The following EIF4EBP2 variants were observed in gnomAD, a reference collection of about 807,000 sequenced individuals.
EIF4EBP2 encodes the protein eukaryotic translation initiation factor 4E binding protein 2, also known as eukaryotic translation initiation factor 4E-binding protein 2.
Under a neutral mutation model 10.3 loss-of-function variants are expected in EIF4EBP2, and 5 were observed. The ratio of observed to expected loss-of-function variants is 0.48; its 90% CI spans 0.25 to 1.02. The LOEUF (loss-of-function observed/expected upper bound fraction) is 1.02, where lower values mean the gene tolerates loss of function less well. EIF4EBP2 is among the 50% of genes least tolerant of loss of function. The pLI, the probability that EIF4EBP2 is intolerant of heterozygous loss-of-function variation, is 0.15. For synonymous variants in EIF4EBP2, 67 were observed against 61.1 expected (o/e 1.10, Z -0.45); for missense variants, 188 against 162.2 (o/e 1.16, Z -0.86).
rs985425556 is a variant in EIF4EBP2, at chr10:70,404,705, T to G, written c.145+159T>G. ...GCCCGAGCGTTCGGGACCCTTTACT[T>G]CGTGTTCGCTCTTGCCCGCAGCTCG... On this transcript the variant is annotated intron_variant, in intron 1 of 2. Transcript: ENST00000373218. Among the ~76,000 whole-genome samples the G allele has an allele frequency of 9.9e-4, 151 of 152,274 alleles. 1 individual carries two copies. Among genetic ancestry groups the G allele is most frequent in the African/African-American group, 3.5e-3 (144 of 41,550 alleles).
intron 1 of EIF4EBP2, among the ~76,000 whole-genome samples, chr10:70,409,869 G>A (rs7918386): frequency 0.23 from 34,783 of 152,060 alleles, 4,287 homozygotes; most frequent in Non-Finnish European, 0.27. Context: ...TAACTGTGAT[G>A]GTCTGAAATT....
At chr10:70,407,043 G>A (rs934601221) in intron 1 of EIF4EBP2, among the ~76,000 whole-genome samples, 1 of 151,880 alleles carries the variant, frequency 6.6e-6, no homozygotes, top group African/African-American at 2.4e-5. Flanking sequence ...GGCTACAGGC[G>A]TCCACCACCA....
At chr10:70,411,292 C>T (rs1157654451) in intron 1 of EIF4EBP2, among the ~76,000 whole-genome samples, 2 of 152,190 alleles carry the variant, frequency 1.3e-5, no homozygotes, top group African/African-American at 2.4e-5. Flanking sequence ...AATTTGACTA[C>T]TCTAGGAATC....
At chr10:70,413,181 T>C (rs973434640) in intron 1 of EIF4EBP2, among the ~76,000 whole-genome samples, 7 of 152,232 alleles carry the variant, frequency 4.6e-5, no homozygotes, top group Non-Finnish European at 1.0e-4. Flanking sequence ...AATTGTATTA[T>C]CATTTTTGGC....
chr10:70,416,405 C>G (rs901689669), intron 1 of EIF4EBP2, among the ~76,000 whole-genome samples: 1 of 151,874 alleles, frequency 6.6e-6, no homozygotes, highest in African/African-American at 2.4e-5. Context: ...ATGGTGAAAC[C>G]CTGTCTCTAC....
At position 70,422,788 on chromosome 10, in the gene EIF4EBP2, A is replaced by G. The variant is rs1381583450; in HGVS notation, c.*1041A>G. On this transcript the variant is annotated 3_prime_UTR_variant, in exon 3 of 3. Transcript: ENST00000373218. The stretch of plus-strand genomic sequence containing the variant: ...TGAGCATTGTGGTAGTTGTTCTTAG[A>G]TTGCAGTTTCTTATGTTTTGAGTTT... The G allele has an allele frequency of 2.0e-5, 3 of 152,186 alleles. No individual in the cohort carries two copies. The highest frequency in any genetic ancestry group is 4.4e-5 in the Non-Finnish European group (3 of 68,034). 9.4% of individuals were successfully genotyped at this position (152,186 alleles called of 1,614,324 possible).
rs748304317 is a variant in EIF4EBP2, at chr10:70,404,371, C to T, written c.-31C>T. ...GGCCCCGCCGCCGCCGCCTGCCCGC[C>T]GGACAAAGCCGAGAGCCCGCGCCCA... On this transcript the variant is annotated 5_prime_UTR_variant, in exon 1 of 3. Transcript: ENST00000373218. 2 of 1,522,160 alleles carry T rather than the reference C, an allele frequency of 1.3e-6. No individual in the cohort carries two copies. Among genetic ancestry groups the T allele is most frequent in the Admixed American group, 2.1e-5 (1 of 47,722 alleles). 94.3% of individuals were successfully genotyped at this position (1,522,160 alleles called of 1,614,324 possible). A position where few individuals can be genotyped will look rare whatever the true frequency, so the allele number is the denominator to read the frequency against.
intron 2 of EIF4EBP2, among the ~76,000 whole-genome samples, 163 bp from the exon 3 acceptor site, chr10:70,421,553 C>T (rs1845157529): frequency 1.3e-5 from 2 of 152,166 alleles, no homozygotes; most frequent in South Asian, 4.1e-4. Context: ...TCTTATTTTT[C>T]AGATTAAGAC....
chr10:70,404,345 CG>C lies in EIF4EBP2; in HGVS notation c.-55del. On this transcript the variant is annotated 5_prime_UTR_variant, in exon 1 of 3. Transcript: ENST00000373218. ...TCCGCCTGAGGAGCCGAAGCAGCCCCGGCCCCGCCGCCGCCGCCTGCCCGCC... is the reference window on the plus strand; with the variant it reads ...TCCGCCTGAGGAGCCGAAGCAGCCCCGCCCCGCCGCCGCCGCCTGCCCGCC... 1 of 1,483,204 alleles carries C rather than the reference CG, an allele frequency of 6.7e-7. No individual in the cohort carries two copies. Among genetic ancestry groups the C allele is most frequent in the Non-Finnish European group, 8.9e-7 (1 of 1,120,118 alleles). The allele number at this position is 1,483,204 out of a possible 1,614,324, so 91.9% of individuals were successfully genotyped here.
chr10:70,409,384 G>C (rs549977426), intron 1 of EIF4EBP2, among the ~76,000 whole-genome samples: 1 of 152,276 alleles, frequency 6.6e-6, no homozygotes, highest in Non-Finnish European at 1.5e-5. Flanking sequence ...TGCCCTCAAA[G>C]GAAGGTAAAG....
chr10:70,408,160 A>AC (rs538370770), intron 1 of EIF4EBP2, among the ~76,000 whole-genome samples: 844 of 17,624 alleles, frequency 0.048, 293 homozygotes, highest in East Asian at 0.24. Context: ...CGGGGGGCTG[A>AC]CCCCCCCCAC....
At chr10:70,409,052 C>G (rs1845014162) in intron 1 of EIF4EBP2, among the ~76,000 whole-genome samples, 1 of 152,160 alleles carries the variant, frequency 6.6e-6, no homozygotes, top group Admixed American at 6.5e-5. Flanking sequence ...GGGACATTCA[C>G]AGCATAGCAA....
intron 2 of EIF4EBP2, among the ~76,000 whole-genome samples, chr10:70,420,460 C>T (rs1200947726): frequency 3.3e-5 from 5 of 152,210 alleles, no homozygotes; most frequent in Non-Finnish European, 5.9e-5. Flanking sequence ...CTCAGCCTCC[C>T]AAAGTGCTAG....
intron 1 of EIF4EBP2, among the ~76,000 whole-genome samples, chr10:70,411,088 T>G (rs755867942): frequency 1.3e-5 from 2 of 152,204 alleles, no homozygotes; most frequent in Non-Finnish European, 2.9e-5. Context: ...AAATTTCCAT[T>G]TTAGTCATTT....
At chr10:70,418,908 T>C (rs1024723444) in intron 1 of EIF4EBP2, among the ~76,000 whole-genome samples, 19 of 152,182 alleles carry the variant, frequency 1.2e-4, no homozygotes, top group Admixed American at 7.2e-4. Context: ...CTCGAACTCC[T>C]GGACTCAAGC....
chr10:70,425,374 C>T lies in EIF4EBP2; in HGVS notation c.*3627C>T, dbSNP rs1845196307. On this transcript the variant is annotated 3_prime_UTR_variant, in exon 3 of 3. Transcript: ENST00000373218. ...TCAAGGAGAGAGGAATTACACATAC[C>T]TCTACCCCAATGGAGCAGTAGCAAA... The T allele has an allele frequency of 6.6e-6, 1 of 152,240 alleles. No homozygotes were observed. The highest frequency in any genetic ancestry group is 2.4e-5 in the African/African-American group (1 of 41,468). 9.4% of individuals were successfully genotyped at this position (152,240 alleles called of 1,614,324 possible).
chr10:70,419,883 G>A lies in EIF4EBP2; in HGVS notation c.146-31G>A, dbSNP rs1845136142. On this transcript the variant is annotated intron_variant, in intron 1 of 2. Coordinates refer to ENST00000373218, the MANE Select transcript of EIF4EBP2 (RefSeq NM_004096.5). Reference sequence around the variant, plus strand: ...TTATATGTTGATAACCCCTTAAATTGTTTCAAACTCTTTTTAACCCTGTTT... The same window carrying A: ...TTATATGTTGATAACCCCTTAAATTATTTCAAACTCTTTTTAACCCTGTTT... The A allele has an allele frequency of 2.7e-6, 4 of 1,508,752 alleles. No individual in the cohort carries two copies. The East Asian group carries it at 9.6e-5, about 36-fold the overall frequency. The allele number at this position is 1,508,752 out of a possible 1,614,324, so 93.5% of individuals were successfully genotyped here. A position where few individuals can be genotyped will look rare whatever the true frequency, so the allele number is the denominator to read the frequency against.
At chr10:70,407,573 T>C (rs1447615967) in intron 1 of EIF4EBP2, among the ~76,000 whole-genome samples, 1 of 152,124 alleles carries the variant, frequency 6.6e-6, no homozygotes, top group African/African-American at 2.4e-5. Flanking sequence ...CTTTCCCCCC[T>C]TTCTATTCCA....
At chr10:70,415,228 A>G (rs1232485368) in intron 1 of EIF4EBP2, among the ~76,000 whole-genome samples, 1 of 152,192 alleles carries the variant, frequency 6.6e-6, no homozygotes, top group Non-Finnish European at 1.5e-5. Context: ...TTTGATAGGA[A>G]TAACTTTAGT....
Sources: allele counts gnomAD v4.1 joint callset (sites outside exome capture counted in the v4.1 genomes callset), GRCh38; gene constraint gnomAD v4.1.1; transcripts MANE v1.5; gene names NCBI Gene and HGNC (gene_info 2026-07-23, HGNC 2026-07-21).